The following TBC1D5 variants were observed in gnomAD, a reference collection of about 807,000 sequenced individuals.
TBC1D5 encodes TBC1 domain family member 5, also known as TBC1 domain family, member 5.
A neutral mutation model predicts 100.3 loss-of-function variants in TBC1D5; 75 were observed. The ratio of observed to expected loss-of-function variants is 0.75; its 90% CI spans 0.62 to 0.91. The LOEUF (loss-of-function observed/expected upper bound fraction) is 0.91. Among genes scored for constraint, TBC1D5 ranks in the 40% least tolerant of loss-of-function variants. TBC1D5 has a pLI of 0.00. For missense variants in TBC1D5, 910 were observed against 942.4 expected (o/e 0.97, Z 0.45); for synonymous variants, 323 against 325.6 (o/e 0.99, Z 0.09).
At chr3:17,706,058 C>A (rs958629815) in intron 1 of TBC1D5, 68 of 1,590,798 alleles carry the variant, frequency 4.3e-5, no homozygotes, top group Admixed American at 1.6e-4. Flanking sequence ...TGGGAGCCTA[C>A]TGATTTCCCC....
chr3:17,333,944 T>C (rs2087270479), intron 13 of TBC1D5, among the ~76,000 whole-genome samples: 1 of 151,986 alleles, frequency 6.6e-6, no homozygotes, highest in Non-Finnish European at 1.5e-5. Flanking sequence ...GGCAAGGGTT[T>C]TGAGGGGATA....
chr3:17,491,317 G>C (rs2095637201), intron 3 of TBC1D5, among the ~76,000 whole-genome samples: 1 of 152,136 alleles, frequency 6.6e-6, no homozygotes, highest in Non-Finnish European at 1.5e-5. Flanking sequence ...TCTGTTGCCT[G>C]AGTGCTCTGG....
chr3:17,411,911 T>A (rs977971187), intron 4 of TBC1D5, among the ~76,000 whole-genome samples: 3 of 152,168 alleles, frequency 2.0e-5, no homozygotes, highest in African/African-American at 7.2e-5. Flanking sequence ...CTCAAACTGA[T>A]GAACGGCTCT....
intron 3 of TBC1D5, among the ~76,000 whole-genome samples, chr3:17,491,216 T>C (rs566264854): frequency 2.0e-5 from 3 of 152,176 alleles, no homozygotes; most frequent in African/African-American, 7.2e-5. Context: ...TGGGCTGAGA[T>C]GATGGGGTTT....
intron 13 of TBC1D5, among the ~76,000 whole-genome samples, chr3:17,351,220 C>T (rs370117776): frequency 1.3e-5 from 2 of 152,024 alleles, no homozygotes; most frequent in African/African-American, 4.8e-5. Context: ...CTCAGCAATC[C>T]CATTACTGGG....
At chr3:17,480,325 G>A (rs1276680727) in intron 3 of TBC1D5, among the ~76,000 whole-genome samples, 1 of 152,228 alleles carries the variant, frequency 6.6e-6, no homozygotes, top group Non-Finnish European at 1.5e-5. Context: ...GAAACAGGCA[G>A]CTCCCCAGTG....
intron 14 of TBC1D5, among the ~76,000 whole-genome samples, chr3:17,292,837 T>C (rs1169021584): frequency 1.3e-5 from 2 of 152,190 alleles, no homozygotes; most frequent in African/African-American, 4.8e-5. Flanking sequence ...TGGTTGCAAG[T>C]GAAGTTTTTT....
intron 2 of TBC1D5, among the ~76,000 whole-genome samples, chr3:17,607,056 GTGATTT>G: frequency 6.6e-6 from 1 of 152,258 alleles, no homozygotes; most frequent in South Asian, 2.1e-4. Context: ...ATTAAAATCA[GTGATTT>G]TCCAGAATAT....
At chr3:17,194,514 G>C (rs1165004872) in intron 18 of TBC1D5, among the ~76,000 whole-genome samples, 1 of 152,148 alleles carries the variant, frequency 6.6e-6, no homozygotes, top group Non-Finnish European at 1.5e-5. Flanking sequence ...TTAAAAACAA[G>C]TGAAATATGA....
chr3:17,176,249 T>C (rs1191918569), intron 19 of TBC1D5, among the ~76,000 whole-genome samples: 1 of 152,176 alleles, frequency 6.6e-6, no homozygotes, highest in Admixed American at 6.5e-5. Context: ...AGAGATACTG[T>C]TTGTGAAGTA....
intron 1 of TBC1D5, among the ~76,000 whole-genome samples, chr3:17,690,204 A>ATTTTTTTTTT (rs1199260338): frequency 2.1e-5 from 1 of 47,030 alleles, no homozygotes; most frequent in African/African-American, 7.1e-5. Flanking sequence ...AAATAGCCAT[A>ATTTTTTTTTT]TTTTTTTTTT....
At chr3:17,262,398 A>G (rs1440297414) in intron 15 of TBC1D5, among the ~76,000 whole-genome samples, 1 of 151,900 alleles carries the variant, frequency 6.6e-6, no homozygotes, top group Non-Finnish European at 1.5e-5. Context: ...CCCAAATGTC[A>G]TTATGCAGTA....
intron 1 of TBC1D5, among the ~76,000 whole-genome samples, chr3:17,650,539 G>GA (rs2065445668): frequency 1.3e-5 from 2 of 151,948 alleles, no homozygotes; most frequent in African/African-American, 4.8e-5. Flanking sequence ...CTACTCATAA[G>GA]AAAAAATTCA....
chr3:17,559,943 ACATTT>A (rs1243079327), intron 2 of TBC1D5, among the ~76,000 whole-genome samples: 3 of 152,256 alleles, frequency 2.0e-5, no homozygotes, highest in Admixed American at 1.3e-4. Context: ...TCAAATTGAA[ACATTT>A]CATTTCTAGT....
chr3:17,579,816 T>C (rs1023285730), intron 2 of TBC1D5, among the ~76,000 whole-genome samples: 2 of 152,134 alleles, frequency 1.3e-5, no homozygotes, highest in African/African-American at 4.8e-5. Flanking sequence ...ACTACTGTTA[T>C]CACTACAGAG....
chr3:17,593,417 T>C (rs550818633), intron 2 of TBC1D5, among the ~76,000 whole-genome samples: 9 of 152,210 alleles, frequency 5.9e-5, no homozygotes, highest in Admixed American at 1.3e-4. Flanking sequence ...GAGTGCCCAA[T>C]TTGCCAGCAG....
At chr3:17,417,157 C>A (rs1278317421) in intron 4 of TBC1D5, among the ~76,000 whole-genome samples, 3 of 151,844 alleles carry the variant, frequency 2.0e-5, no homozygotes. Context: ...GTTCAAGAGA[C>A]CTTTAAGATT....
intron 3 of TBC1D5, among the ~76,000 whole-genome samples, chr3:17,490,621 T>A (rs1298505130): frequency 6.6e-6 from 1 of 152,042 alleles, no homozygotes; most frequent in Non-Finnish European, 1.5e-5. Context: ...CAATAATGTT[T>A]GTAGTTGTGC....
chr3:17,341,788 G>GT lies in TBC1D5; in HGVS notation c.995+30286dup, dbSNP rs1341309430. ...ACAAATATTCAAGCTAAAAATTGCA[G>GT]TATGAATTAACAATACACTCAAACT... On this transcript the variant is annotated intron_variant, in intron 13 of 21. Transcript: ENST00000253692. Among the ~76,000 whole-genome samples, 4 of 152,312 alleles carry GT rather than the reference G, an allele frequency of 2.6e-5. No individual in the cohort carries two copies. In the East Asian group the frequency reaches 7.7e-4, roughly 29 times the overall value.
Sources: allele counts gnomAD v4.1 joint callset (sites outside exome capture counted in the v4.1 genomes callset), GRCh38; gene constraint gnomAD v4.1.1; transcripts MANE v1.5; gene names NCBI Gene and HGNC (gene_info 2026-07-23, HGNC 2026-07-21).